The following HDAC9 variants were observed in gnomAD, a reference collection of about 807,000 sequenced individuals.
HDAC9 encodes histone deacetylase 9, also known as MEF-2 interacting transcription repressor (MITR) protein.
Under a neutral mutation model 139.4 loss-of-function variants are expected in HDAC9, and 41 were observed. The observed-to-expected ratio is 0.29, with a 90% CI of 0.23 to 0.38. HDAC9 has a LOEUF of 0.38. Ranked by LOEUF, HDAC9 falls within the 10% of genes least tolerant of loss-of-function variation. The pLI, the probability that HDAC9 is intolerant of heterozygous loss-of-function variation, is 1.00. For missense variants in HDAC9, 1,147 were observed against 1,297.0 expected, an observed-to-expected ratio of 0.88 and a Z score of 1.78; for synonymous variants, 517 against 476.2, an observed-to-expected ratio of 1.09 and a Z score of -1.12.
intron 25 of HDAC9, among the ~76,000 whole-genome samples, chr7:18,995,253 C>T (rs1393923943): frequency 2.0e-5 from 3 of 152,186 alleles, no homozygotes; most frequent in Non-Finnish European, 4.4e-5. Context: ...CATCTCATAT[C>T]CCAGTAATCT....
chr7:18,102,020 C>T (rs1782888415), intron 1 of HDAC9, among the ~76,000 whole-genome samples: 1 of 152,054 alleles, frequency 6.6e-6, no homozygotes, highest in Non-Finnish European at 1.5e-5. Context: ...CATGGATAGG[C>T]CTTGAGATTG....
At chr7:18,204,879 C>T (rs11489326) in intron 2 of HDAC9, among the ~76,000 whole-genome samples, 6,401 of 151,914 alleles carry the variant, frequency 0.042, 478 homozygotes, top group African/African-American at 0.14. Flanking sequence ...AGTGTTAAAG[C>T]TCAAACTGTT....
At chr7:18,736,482 A>G (rs573679521) in intron 13 of HDAC9, among the ~76,000 whole-genome samples, 3 of 152,160 alleles carry the variant, frequency 2.0e-5, no homozygotes, top group South Asian at 2.1e-4. Flanking sequence ...TTCTGCATCT[A>G]TTGAGATAAT....
chr7:18,394,077 T>A (rs1480192663), intron 1 of HDAC9, among the ~76,000 whole-genome samples: 1 of 152,164 alleles, frequency 6.6e-6, no homozygotes, highest in Non-Finnish European at 1.5e-5. Context: ...TAAACAACAG[T>A]CTACCTCCCT....
At chr7:18,408,202 C>T (rs1318749984) in intron 1 of HDAC9, among the ~76,000 whole-genome samples, 1 of 151,944 alleles carries the variant, frequency 6.6e-6, no homozygotes, top group East Asian at 1.9e-4. Context: ...GAAGAACCAA[C>T]CTAAAGGTTT....
intron 16 of HDAC9, among the ~76,000 whole-genome samples, chr7:18,785,979 T>C (rs1234082317): frequency 6.6e-6 from 1 of 152,202 alleles, no homozygotes; most frequent in Non-Finnish European, 1.5e-5. Flanking sequence ...ATTATTGTTA[T>C]TGTCATTATT....
At chr7:18,673,256 G>C (rs1795768624) in intron 12 of HDAC9, among the ~76,000 whole-genome samples, 1 of 151,956 alleles carries the variant, frequency 6.6e-6, no homozygotes, top group Non-Finnish European at 1.5e-5. Context: ...TGTAGCCTGA[G>C]TGACAAAACA....
chr7:18,615,990 T>C (rs1005913748), intron 6 of HDAC9, among the ~76,000 whole-genome samples: 1 of 152,146 alleles, frequency 6.6e-6, no homozygotes, highest in African/African-American at 2.4e-5. Flanking sequence ...AATGAATCCC[T>C]CTCCTTGTTT....
chr7:18,599,856 A>G (rs1833478457), intron 6 of HDAC9, among the ~76,000 whole-genome samples: 1 of 152,186 alleles, frequency 6.6e-6, no homozygotes, highest in Non-Finnish European at 1.5e-5. Flanking sequence ...AAAAAGAACA[A>G]CAAACAACAA....
intron 2 of HDAC9, among the ~76,000 whole-genome samples, chr7:18,225,625 T>G (rs1793004942): frequency 6.6e-6 from 1 of 152,194 alleles, no homozygotes; most frequent in African/African-American, 2.4e-5. Context: ...TATAATTGAA[T>G]GAATAAAAAT....
At chr7:18,434,198 A>C (rs118144187) in intron 1 of HDAC9, among the ~76,000 whole-genome samples, 3 of 152,232 alleles carry the variant, frequency 2.0e-5, no homozygotes, top group African/African-American at 7.2e-5. Context: ...CACTGGAGGA[A>C]CTAGCTATCC....
rs186944489 is a variant in HDAC9, at chr7:18,462,025, G to T, written c.-41-34237G>T. Reference sequence around the variant, plus strand: ...CTAAATTAGTAAATGGTTATGTTTTGACTAAGTATTTCTTGTTATCATGTA... The same window carrying T: ...CTAAATTAGTAAATGGTTATGTTTTTACTAAGTATTTCTTGTTATCATGTA... On this transcript the variant is annotated intron_variant, in intron 1 of 3. Coordinates refer to the HDAC9 transcript ENST00000413509. 1.0e-3 allele frequency among the ~76,000 whole-genome samples: 158 copies of T among 151,972 alleles called. 1 individual carries two copies. Among genetic ancestry groups the T allele is most frequent in the Middle Eastern group, 3.4e-3 (1 of 294 alleles).
chr7:18,695,542 A>G (rs952284196), intron 12 of HDAC9, among the ~76,000 whole-genome samples: 2 of 152,334 alleles, frequency 1.3e-5, no homozygotes, highest in South Asian at 4.1e-4. Context: ...GGACTTAGCA[A>G]GAAATCATTA....
At chr7:18,326,712 T>C (rs948790944) in intron 1 of HDAC9, among the ~76,000 whole-genome samples, 2 of 152,052 alleles carry the variant, frequency 1.3e-5, no homozygotes, top group African/African-American at 4.8e-5. Flanking sequence ...AGCTAAGACT[T>C]GTTTACTGCA....
intron 2 of HDAC9, among the ~76,000 whole-genome samples, chr7:18,584,313 A>G (rs1828786536): frequency 6.6e-6 from 1 of 151,738 alleles, no homozygotes; most frequent in Non-Finnish European, 1.5e-5. Context: ...TATTTTTAGT[A>G]GAGAAGGGGT....
chr7:18,789,266 G>A (rs535603108), intron 16 of HDAC9, among the ~76,000 whole-genome samples: 1 of 130,064 alleles, frequency 7.7e-6, no homozygotes, highest in African/African-American at 3.0e-5. Context: ...ACTCCTTAAT[G>A]CACACGCAGA....
rs150516981 is a variant in HDAC9, at chr7:18,750,846, G to C, written c.2043+1708G>C. 2.3e-3 allele frequency among the ~76,000 whole-genome samples: 355 copies of C among 152,224 alleles called. 1 individual carries two copies. Among genetic ancestry groups the C allele is most frequent in the African/African-American group, 8.5e-3 (352 of 41,550 alleles). On this transcript the variant is annotated intron_variant, in intron 14 of 25. Coordinates refer to ENST00000686413, the MANE Select transcript of HDAC9 (RefSeq NM_178425.4). ...CCTTTTCATCTGCTCTGCAATTTTT[G>C]TGTGCTTTTGCCAGCTGAGGCATTG...
chr7:18,739,969 A>G (rs1483529345), intron 13 of HDAC9, among the ~76,000 whole-genome samples: 1 of 152,158 alleles, frequency 6.6e-6, no homozygotes. Flanking sequence ...CTCAAGCCTC[A>G]GCAATGGCAG....
chr7:18,250,190 G>A (rs1307258912), intron 2 of HDAC9, among the ~76,000 whole-genome samples: 2 of 152,186 alleles, frequency 1.3e-5, no homozygotes, highest in Non-Finnish European at 2.9e-5. Flanking sequence ...GTTGGGATGG[G>A]CCCATGTAAG....
Sources: allele counts gnomAD v4.1 joint callset (sites outside exome capture counted in the v4.1 genomes callset), GRCh38; gene constraint gnomAD v4.1.1; transcripts MANE v1.5; gene names NCBI Gene and HGNC (gene_info 2026-07-23, HGNC 2026-07-21).